The following OGDHL variants were observed in gnomAD, a reference collection of about 807,000 sequenced individuals.
The protein encoded by OGDHL is oxoglutarate dehydrogenase L.
Under a neutral mutation model 109.6 loss-of-function variants are expected in OGDHL, and 79 were observed. That is an observed-to-expected ratio of 0.72 (90% CI 0.60 to 0.87). OGDHL has a LOEUF of 0.87. OGDHL is among the 40% of genes least tolerant of loss of function. The pLI is 0.00. For missense variants in OGDHL, 1,275 were observed against 1,362.2 expected (o/e 0.94, Z 1.01); for synonymous variants, 528 against 537.2 (o/e 0.98, Z 0.24).
chr10:49,761,650 C>G (rs1334357236), intron 1 of OGDHL, among the ~76,000 whole-genome samples: 1 of 152,210 alleles, frequency 6.6e-6, no homozygotes, highest in Non-Finnish European at 1.5e-5. Flanking sequence ...TCGGCGAATG[C>G]GTACTGCAGC....
chr10:49,739,638 C>CCAGCCA, intron 17 of OGDHL, 23 bp downstream of exon 17: 1 of 1,607,140 alleles, frequency 6.2e-7, no homozygotes, highest in Non-Finnish European at 8.5e-7. Context: ...CACCAAGCCA[C>CCAGCCA]CAGCCACCAC....
chr10:49,739,591 C>CA, intron 17 of OGDHL, 70 bp downstream of exon 17: 1 of 1,546,416 alleles, frequency 6.5e-7, no homozygotes, highest in Non-Finnish European at 8.8e-7. Flanking sequence ...ACAAGGGGCC[C>CA]AGGGTCCATC....
intron 1 of OGDHL, among the ~76,000 whole-genome samples, chr10:49,760,790 C>T (rs1228818395): frequency 6.6e-6 from 1 of 152,210 alleles, no homozygotes; most frequent in Non-Finnish European, 1.5e-5. Context: ...AGCGACTGTG[C>T]CCTGATCACT....
intron 3 of OGDHL, among the ~76,000 whole-genome samples, chr10:49,754,928 A>C (rs1316812136): frequency 2.0e-5 from 3 of 152,236 alleles, no homozygotes; most frequent in African/African-American, 4.8e-5. Flanking sequence ...ATTTAGCTGG[A>C]TCCTGCTTCA....
intron 17 of OGDHL, chr10:49,739,023 C>G (rs114962494): frequency 1.3e-5 from 2 of 152,896 alleles, no homozygotes; most frequent in African/African-American, 4.8e-5. Flanking sequence ...GAGTATGCAG[C>G]CTGTAAAGTG....
At position 49,746,162 on chromosome 10, in the gene OGDHL, C is replaced by T. The variant is rs555641443; in HGVS notation, c.1297-185G>A. On this transcript the variant is annotated intron_variant, in intron 10 of 22. Transcript: ENST00000374103. Reference sequence around the variant, plus strand: ...GACACGGCAACAGCTCCCACGGGGACGGCAGCAGCACCAGCCGGGTGGAGC... The same window carrying T: ...GACACGGCAACAGCTCCCACGGGGATGGCAGCAGCACCAGCCGGGTGGAGC... Among the ~76,000 whole-genome samples, 24 of 152,256 alleles carry T rather than the reference C, an allele frequency of 1.6e-4. No individual in the cohort carries two copies. The South Asian group carries it at 4.8e-3, about 30-fold the overall frequency.
chr10:49,752,121 G>A lies in OGDHL; in HGVS notation c.594+12C>T, dbSNP rs1263692434. ...TGCTTCAGCTGCACCCCACACACCC[G>A]CCTGTGCTCACCTCCAGGCGCCGAA... On this transcript the variant is annotated intron_variant, in intron 5 of 22. Transcript: ENST00000374103. The A allele has an allele frequency of 9.9e-6, 16 of 1,612,062 alleles. No homozygotes were observed. Among genetic ancestry groups the A allele is most frequent in the South Asian group, 6.6e-5 (6 of 91,044 alleles).
At chr10:49,760,048 G>C (rs1843172562) in intron 1 of OGDHL, among the ~76,000 whole-genome samples, 1 of 152,262 alleles carries the variant, frequency 6.6e-6, no homozygotes, top group African/African-American at 2.4e-5. Flanking sequence ...GGCCCCACCA[G>C]AGGGCAGGGC....
rs1841186625 is a variant in OGDHL at position 49,736,430 on chromosome 10, A to G, written c.2681T>C (p.Val894Ala). 1 of 1,613,952 alleles carries G rather than the reference A, an allele frequency of 6.2e-7. No individual in the cohort carries two copies. The highest frequency in any genetic ancestry group is 8.5e-7 in the Non-Finnish European group (1 of 1,179,998). ...VQRLIFCTGK[V>A]YYDLVKERSS... ...CCGCTCCTTCACCAGGTCATAGTACACCTTTCCCGTGCAGAAGATGAGCCG... is the reference window on the plus strand; with the variant it reads ...CCGCTCCTTCACCAGGTCATAGTACGCCTTTCCCGTGCAGAAGATGAGCCG... Residue 894 changes from valine to alanine, a missense_variant, in exon 21 of 23, where the codon GTG (valine) becomes GCG (alanine). Val to Ala is a moderately conservative substitution (Grantham distance 64). Coordinates refer to ENST00000374103, the MANE Select transcript of OGDHL (RefSeq NM_018245.3).
chr10:49,749,480 C>G (rs1209467121), intron 8 of OGDHL, among the ~76,000 whole-genome samples: 1 of 152,158 alleles, frequency 6.6e-6, no homozygotes, highest in Non-Finnish European at 1.5e-5. Context: ...TTCAGTTTCC[C>G]TAGCTCAAAA....
chr10:49,756,386 C>G (rs983668210), intron 3 of OGDHL, among the ~76,000 whole-genome samples: 9 of 152,126 alleles, frequency 5.9e-5, no homozygotes, highest in Non-Finnish European at 1.3e-4. Flanking sequence ...GAATTAGGCA[C>G]CTGCTGTATC....
At chr10:49,736,809 A>C (rs1157749601) in intron 20 of OGDHL, among the ~76,000 whole-genome samples, 1 of 152,170 alleles carries the variant, frequency 6.6e-6, no homozygotes, top group Non-Finnish European at 1.5e-5. Flanking sequence ...AAGGAGACAG[A>C]GAAGGCAACA....
At chr10:49,742,220 AACCACACACGCACAC>A (rs1212701140) in intron 15 of OGDHL, among the ~76,000 whole-genome samples, 1 of 126,432 alleles carries the variant, frequency 7.9e-6, no homozygotes, top group Non-Finnish European at 1.7e-5. Context: ...CACCCCCACA[AACCACACACGCACAC>A]ACCACACATA....
intron 14 of OGDHL, 65 bp from the exon 15 acceptor site, chr10:49,743,043 G>A: frequency 1.3e-6 from 2 of 1,571,400 alleles, no homozygotes; most frequent in Non-Finnish European, 1.7e-6. Flanking sequence ...GTAGGTAGGT[G>A]CTCAGCACAC....
chr10:49,759,551 C>A (rs548154902), intron 1 of OGDHL, among the ~76,000 whole-genome samples: 1 of 152,234 alleles, frequency 6.6e-6, no homozygotes, highest in Non-Finnish European at 1.5e-5. Flanking sequence ...CCTGGAGAAC[C>A]CCCCAGATAT....
intron 4 of OGDHL, 46 bp downstream of exon 4, chr10:49,752,592 G>T: frequency 6.5e-7 from 1 of 1,536,582 alleles, no homozygotes; most frequent in Non-Finnish European, 9.0e-7. Context: ...CCCTTACTGG[G>T]CCACCCACAC....
chr10:49,735,089 C>T lies in OGDHL; in HGVS notation c.*139G>A. 4 of 1,085,014 alleles carry T rather than the reference C, an allele frequency of 3.7e-6. No homozygotes were observed. Among genetic ancestry groups the T allele is most frequent in the Non-Finnish European group, 5.3e-6 (4 of 755,630 alleles). 67.2% of individuals were successfully genotyped at this position (1,085,014 alleles called of 1,614,324 possible). A position where few individuals can be genotyped will look rare whatever the true frequency, so the allele number is the denominator to read the frequency against. On this transcript the variant is annotated 3_prime_UTR_variant, in exon 23 of 23. Coordinates refer to ENST00000374103, the MANE Select transcript of OGDHL (RefSeq NM_018245.3). ...GACACCAAGGCCAGCAGTGCTGGCT[C>T]TTGGCCCTGTCACTGTGTCTGTTTT...
At chr10:49,743,966 T>C (rs756446429) in intron 14 of OGDHL, 28 bp downstream of exon 14, 15 of 1,605,388 alleles carry the variant, frequency 9.3e-6, no homozygotes. Flanking sequence ...GCCAGCAGCC[T>C]GGGCTGCAGC....
rs778474898 is a variant in OGDHL at position 49,739,708 on chromosome 10, G to A, written c.2272C>T (p.Arg758Trp). ...FISTGQAKWVRHNGIVLLLPH... is the reference protein window; with the variant it reads ...FISTGQAKWVWHNGIVLLLPH... Reference sequence around the variant, plus strand: ...AGCAGCAGCACAATGCCATTATGCCGCACCCACTTGGCCTGGCCGGTGCTG... The same window carrying A: ...AGCAGCAGCACAATGCCATTATGCCACACCCACTTGGCCTGGCCGGTGCTG... The change falls in exon 17 of 23, where the codon CGG becomes TGG. Residue 758 changes from arginine to tryptophan, a missense_variant. By Grantham distance (101) the Arg-to-Trp change is moderately radical. Transcript: ENST00000374103. 51 of 1,613,934 alleles carry A rather than the reference G, an allele frequency of 3.2e-5. No homozygotes were observed. Among genetic ancestry groups the A allele is most frequent in the South Asian group, 1.9e-4 (17 of 91,056 alleles).
Sources: gnomAD v4.1 joint callset for allele counts (sites outside exome capture counted in the v4.1 genomes callset) on GRCh38, gnomAD v4.1.1 for gene constraint, MANE v1.5 for transcripts, NCBI Gene and HGNC (gene_info 2026-07-23, HGNC 2026-07-21) for gene names.